The following EXT1 variants were observed in gnomAD, a reference collection of about 807,000 sequenced individuals.
The protein encoded by EXT1 is exostosin glycosyltransferase 1.
In EXT1, 20 loss-of-function variants were observed where a neutral mutation model predicts 82.5. The ratio of observed to expected loss-of-function variants is 0.24; its 90% CI spans 0.17 to 0.35. The LOEUF is 0.35. EXT1 is among the 10% of genes least tolerant of loss of function. The probability of loss-of-function intolerance (pLI) is 1.00; values close to 1 mark genes in which losing one functional copy is unlikely to be tolerated. For synonymous variants in EXT1, 348 were observed against 350.8 expected (o/e 0.99, Z 0.09); for missense variants, 757 against 936.5 (o/e 0.81, Z 2.50).
chr8:117,835,277 G>A (rs1253472120), intron 3 of EXT1, among the ~76,000 whole-genome samples, 167 bp downstream of exon 3: 1 of 152,202 alleles, frequency 6.6e-6, no homozygotes, highest in Admixed American at 6.5e-5. Flanking sequence ...TTGTTGGAAA[G>A]TGAACAATGT....
At chr8:117,809,245 T>TATATATATATATATATATATATA (rs1563874289) in intron 8 of EXT1, among the ~76,000 whole-genome samples, 2 of 66,048 alleles carry the variant, frequency 3.0e-5, no homozygotes, top group African/African-American at 3.9e-5. Context: ...ATATATATAT[T>TATATATATATATATATATATATA]ATGTTCTATT....
intron 3 of EXT1, among the ~76,000 whole-genome samples, chr8:117,833,118 G>A (rs1812129071): frequency 6.6e-6 from 1 of 152,150 alleles, no homozygotes. Context: ...TGGGCTGGGT[G>A]CCAACTCTTT....
At chr8:118,030,190 G>A (rs1309686332) in intron 1 of EXT1, among the ~76,000 whole-genome samples, 1 of 151,726 alleles carries the variant, frequency 6.6e-6, no homozygotes, top group African/African-American at 2.4e-5. Flanking sequence ...GGTTGAGAGA[G>A]GTGATTTTGT....
intron 1 of EXT1, among the ~76,000 whole-genome samples, chr8:117,908,181 G>A (rs1813576913): frequency 6.6e-6 from 1 of 152,196 alleles, no homozygotes; most frequent in Admixed American, 6.5e-5. Flanking sequence ...AATGCTATCA[G>A]TAATACAGGA....
intron 1 of EXT1, among the ~76,000 whole-genome samples, chr8:118,004,511 A>G (rs1233329081): frequency 6.6e-6 from 1 of 152,212 alleles, no homozygotes; most frequent in Admixed American, 6.5e-5. Context: ...CTGATACACC[A>G]AACCTCTCAG....
chr8:118,103,929 A>G (rs184405194), intron 1 of EXT1, among the ~76,000 whole-genome samples: 1 of 152,354 alleles, frequency 6.6e-6, no homozygotes, highest in Admixed American at 6.5e-5. Context: ...TGGAAAAAAG[A>G]TCCATATACA....
Position 117,798,127 on chromosome 8 carries a change from T to C in EXT1, c.*1585A>G, listed in dbSNP as rs985456074. 2 of 152,230 alleles carry C rather than the reference T, an allele frequency of 1.3e-5. No homozygotes were observed. Among genetic ancestry groups the C allele is most frequent in the African/African-American group, 4.8e-5 (2 of 41,458 alleles). The allele number at this position is 152,230 out of a possible 1,614,324, so 9.4% of individuals were successfully genotyped here. A position where few individuals can be genotyped will look rare whatever the true frequency, so the allele number is the denominator to read the frequency against. ...AGGATGAGGTAAAGTCCAATGGACT[T>C]ACGGTTTCCACTGACCTAAGATGGC... On this transcript the variant is annotated 3_prime_UTR_variant, in exon 11 of 11. Coordinates refer to ENST00000378204, the MANE Select transcript of EXT1 (RefSeq NM_000127.3).
chr8:118,008,534 G>A (rs988868285), intron 1 of EXT1, among the ~76,000 whole-genome samples: 1 of 152,118 alleles, frequency 6.6e-6, no homozygotes, highest in Non-Finnish European at 1.5e-5. Flanking sequence ...TTACAGGCCT[G>A]AGCTACCATG....
At chr8:117,945,904 TG>T (rs941256120) in intron 1 of EXT1, among the ~76,000 whole-genome samples, 2 of 152,166 alleles carry the variant, frequency 1.3e-5, no homozygotes, top group African/African-American at 4.8e-5. Context: ...GTTTTGTTTT[TG>T]TTTTGTTTTG....
intron 1 of EXT1, among the ~76,000 whole-genome samples, chr8:118,072,026 C>T (rs1817103665): frequency 6.6e-6 from 1 of 152,150 alleles, no homozygotes; most frequent in Admixed American, 6.5e-5. Context: ...ACTGCCTCTC[C>T]TAGTCTACCC....
chr8:117,941,002 G>A (rs898783500), intron 1 of EXT1, among the ~76,000 whole-genome samples: 9 of 152,180 alleles, frequency 5.9e-5, no homozygotes, highest in African/African-American at 1.7e-4. Flanking sequence ...GGGTTAAGGC[G>A]GAGGTTGGAC....
At chr8:117,924,275 TG>T (rs1162231738) in intron 1 of EXT1, among the ~76,000 whole-genome samples, 13 of 152,188 alleles carry the variant, frequency 8.5e-5, no homozygotes, top group Admixed American at 6.5e-4. Context: ...TACAAGGAAT[TG>T]ATCAATCTGG....
At chr8:117,885,083 C>T (rs1288585297) in intron 1 of EXT1, among the ~76,000 whole-genome samples, 1 of 152,144 alleles carries the variant, frequency 6.6e-6, no homozygotes, top group Non-Finnish European at 1.5e-5. Flanking sequence ...AAACATCCAG[C>T]TACCATACAC....
chr8:118,029,432 A>T (rs1165980799), intron 1 of EXT1, among the ~76,000 whole-genome samples: 1 of 152,164 alleles, frequency 6.6e-6, no homozygotes, highest in Non-Finnish European at 1.5e-5. Context: ...TTATTAAATA[A>T]ATTAATAAAT....
chr8:117,943,010 C>T (rs1400415435), intron 1 of EXT1, among the ~76,000 whole-genome samples: 1 of 152,130 alleles, frequency 6.6e-6, no homozygotes, highest in East Asian at 1.9e-4. Flanking sequence ...AATCTTGTTG[C>T]TACTCACATT....
intron 7 of EXT1, among the ~76,000 whole-genome samples, chr8:117,818,213 A>G (rs963806215): frequency 2.6e-5 from 4 of 152,242 alleles, no homozygotes; most frequent in Non-Finnish European, 5.9e-5. Context: ...TTAAGTATAC[A>G]CACAAGGTCA....
intron 1 of EXT1, among the ~76,000 whole-genome samples, chr8:118,049,050 C>T (rs925091825): frequency 6.6e-6 from 1 of 152,148 alleles, no homozygotes; most frequent in Non-Finnish European, 1.5e-5. Context: ...TGAAATGACA[C>T]TCCCACATCC....
intron 1 of EXT1, among the ~76,000 whole-genome samples, chr8:118,075,761 A>G (rs1554598944): frequency 6.6e-6 from 1 of 152,114 alleles, no homozygotes; most frequent in Non-Finnish European, 1.5e-5. Context: ...CAGAAGGGGG[A>G]ACAGGCATCT....
At chr8:117,977,016 C>T (rs902845193) in intron 1 of EXT1, among the ~76,000 whole-genome samples, 3 of 152,130 alleles carry the variant, frequency 2.0e-5, no homozygotes, top group African/African-American at 7.2e-5. Context: ...TGGAACTGAT[C>T]ATTCAGGGAA....
Sources: allele counts gnomAD v4.1 joint callset (sites outside exome capture counted in the v4.1 genomes callset), GRCh38; gene constraint gnomAD v4.1.1; transcripts MANE v1.5; gene names NCBI Gene and HGNC (gene_info 2026-07-23, HGNC 2026-07-21).